Variants in ATXN7L1 observed in about 807,000 individuals in gnomAD.
The protein encoded by ATXN7L1 is ataxin 7 like 1.
In ATXN7L1, 15 loss-of-function variants were observed where a neutral mutation model predicts 70.8. The observed-to-expected ratio is 0.21, with a 90% CI of 0.14 to 0.33. The LOEUF is 0.33. ATXN7L1 is among the 10% of genes least tolerant of loss of function. ATXN7L1 has a pLI of 1.00. For missense variants in ATXN7L1, 975 were observed against 1,097.1 expected, an observed-to-expected ratio of 0.89 and a Z score of 1.57; for synonymous variants, 440 against 445.1, an observed-to-expected ratio of 0.99 and a Z score of 0.14.
intron 3 of ATXN7L1, among the ~76,000 whole-genome samples, chr7:105,677,595 T>C (rs1476972830): frequency 1.3e-5 from 2 of 152,170 alleles, no homozygotes; most frequent in African/African-American, 4.8e-5. Flanking sequence ...GTTGGGAGGA[T>C]TGATAACATG....
intron 2 of ATXN7L1, among the ~76,000 whole-genome samples, chr7:105,872,651 C>T (rs1396623682): frequency 6.6e-6 from 1 of 151,914 alleles, no homozygotes; most frequent in East Asian, 1.9e-4. Context: ...CAGTGGTTAC[C>T]AGGGCTGAGA....
chr7:105,697,975 CT>C lies in ATXN7L1; in HGVS notation c.356-32688del, dbSNP rs545331248. The stretch of plus-strand genomic sequence containing the variant: ...GAAGCTGGGCAGGGACGAGCACTGT[CT>C]TTATACATGGTCTGGACATGTGGAA... On this transcript the variant is annotated intron_variant, in intron 3 of 11. Transcript: ENST00000419735. Among the ~76,000 whole-genome samples, 226 of 152,148 alleles carry C rather than the reference CT, an allele frequency of 1.5e-3. 2 individuals are homozygous for C. The highest frequency in any genetic ancestry group is 2.7e-3 in the Non-Finnish European group (185 of 68,034).
At chr7:105,813,209 T>C (rs1168392125) in intron 2 of ATXN7L1, among the ~76,000 whole-genome samples, 1 of 152,218 alleles carries the variant, frequency 6.6e-6, no homozygotes, top group South Asian at 2.1e-4. Context: ...ACTGTATCTA[T>C]AATATTTCCT....
rs1187631703 is a variant in ATXN7L1, at chr7:105,620,187, G to T, written c.1517+13C>A. ...AGCTTGGATCTTATATTGCACAAAAGCTGCTCACTTACTTCCACATCTGTG... is the reference window on the plus strand; with the variant it reads ...AGCTTGGATCTTATATTGCACAAAATCTGCTCACTTACTTCCACATCTGTG... On this transcript the variant is annotated intron_variant, in intron 9 of 11. Coordinates refer to ENST00000419735, the MANE Select transcript of ATXN7L1 (RefSeq NM_020725.2). 22 of 1,550,722 alleles carry T rather than the reference G, an allele frequency of 1.4e-5. No individual in the cohort carries two copies. Among genetic ancestry groups the T allele is most frequent in the Non-Finnish European group, 1.8e-5 (21 of 1,146,480 alleles).
intron 4 of ATXN7L1, among the ~76,000 whole-genome samples, chr7:105,658,722 C>T (rs763663252): frequency 2.6e-5 from 4 of 151,862 alleles, no homozygotes; most frequent in Non-Finnish European, 5.9e-5. Flanking sequence ...TTAGTAGATA[C>T]GGGGTTCCAC....
intron 3 of ATXN7L1, among the ~76,000 whole-genome samples, chr7:105,783,415 C>G (rs771817806): frequency 6.6e-6 from 1 of 152,162 alleles, no homozygotes; most frequent in Non-Finnish European, 1.5e-5. Context: ...CTTGGGATCT[C>G]TGGAGTGTCT....
At chr7:105,639,900 G>A (rs189450748) in intron 5 of ATXN7L1, among the ~76,000 whole-genome samples, 10 of 152,272 alleles carry the variant, frequency 6.6e-5, no homozygotes, top group African/African-American at 2.4e-4. Context: ...TGCTCTTAAC[G>A]CTTTATTTTA....
At position 105,865,020 on chromosome 7, in the gene ATXN7L1, C is replaced by CATACA. The variant is rs1452568533; in HGVS notation, c.250+10787_250+10791dup. Among the ~76,000 whole-genome samples the CATACA allele has an allele frequency of 3.9e-5, 6 of 152,302 alleles. No individual in the cohort carries two copies. In the East Asian group the frequency reaches 1.2e-3, roughly 29 times the overall value. On this transcript the variant is annotated intron_variant, in intron 2 of 11. Coordinates refer to ENST00000419735, the MANE Select transcript of ATXN7L1 (RefSeq NM_020725.2). ...CGGGGCATCCTTAAAGAACTGGAGACATACAAGTTGACAAAAGATGCCTGG... is the reference window on the plus strand; with the variant it reads ...CGGGGCATCCTTAAAGAACTGGAGACATACAATACAAGTTGACAAAAGATGCCTGG...
chr7:105,807,835 G>A (rs537503917), intron 2 of ATXN7L1, among the ~76,000 whole-genome samples: 1 of 152,182 alleles, frequency 6.6e-6, no homozygotes, highest in African/African-American at 2.4e-5. Flanking sequence ...TGCGCTATCC[G>A]CACCAGAAGA....
intron 7 of ATXN7L1, among the ~76,000 whole-genome samples, chr7:105,626,056 C>G (rs1184623460): frequency 2.0e-5 from 3 of 152,210 alleles, no homozygotes; most frequent in Non-Finnish European, 4.4e-5. Context: ...GAAATCTTTT[C>G]AGGTCTCAAA....
chr7:105,824,796 C>T (rs1810631087), intron 2 of ATXN7L1, among the ~76,000 whole-genome samples: 1 of 151,706 alleles, frequency 6.6e-6, no homozygotes. Context: ...CAGTGGAGTG[C>T]CCAACCCAAA....
At chr7:105,707,265 A>C (rs1052123410) in intron 3 of ATXN7L1, among the ~76,000 whole-genome samples, 1 of 152,202 alleles carries the variant, frequency 6.6e-6, no homozygotes, top group Admixed American at 6.5e-5. Flanking sequence ...TAGACAGCAC[A>C]CATGAAGCAA....
rs1350817098 is a variant in ATXN7L1, at chr7:105,722,766, TC to T, written c.356-57479del. ...TGGGCGTGGTGGCATGTGCCTGTAA[TC>T]CCCACTACTCGGGAGGCTGAGGCAG... On this transcript the variant is annotated intron_variant, in intron 3 of 11. Coordinates refer to ENST00000419735, the MANE Select transcript of ATXN7L1 (RefSeq NM_020725.2). 1.6e-4 allele frequency among the ~76,000 whole-genome samples: 24 copies of T among 150,676 alleles called. No homozygotes were observed. In the Admixed American group the frequency reaches 1.6e-3, roughly 10 times the overall value.
At chr7:105,632,377 A>G (rs1310498816) in intron 7 of ATXN7L1, among the ~76,000 whole-genome samples, 1 of 152,272 alleles carries the variant, frequency 6.6e-6, no homozygotes, top group Admixed American at 6.5e-5. Context: ...ATGATTTAAA[A>G]TACCATTTTT....
intron 3 of ATXN7L1, among the ~76,000 whole-genome samples, chr7:105,752,672 G>A: frequency 6.6e-6 from 1 of 152,186 alleles, no homozygotes; most frequent in Non-Finnish European, 1.5e-5. Context: ...GTCCCAAGAA[G>A]ATAAATTCTA....
In ATXN7L1 at chr7:105,715,937, T is replaced by C. The variant is rs182351247; in HGVS notation, c.356-50649A>G. On this transcript the variant is annotated intron_variant, in intron 3 of 11. Transcript: ENST00000419735. Reference sequence around the variant, plus strand: ...TTTGCTGTGACTGGAGCGTCCTAATTGGCACCAGCAGGCTTCAGGTATAGG... The same window carrying C: ...TTTGCTGTGACTGGAGCGTCCTAATCGGCACCAGCAGGCTTCAGGTATAGG... Among the ~76,000 whole-genome samples the C allele has an allele frequency of 3.9e-3, 600 of 152,152 alleles. 4 individuals are homozygous for C. Among genetic ancestry groups the C allele is most frequent in the Non-Finnish European group, 6.6e-3 (451 of 68,010 alleles).
intron 3 of ATXN7L1, among the ~76,000 whole-genome samples, chr7:105,671,665 G>A (rs1185703482): frequency 1.3e-5 from 2 of 152,106 alleles, no homozygotes; most frequent in African/African-American, 4.8e-5. Flanking sequence ...GGGAGGCTGA[G>A]GCGGGTGGAT....
intron 3 of ATXN7L1, among the ~76,000 whole-genome samples, chr7:105,754,753 C>CTCAG (rs1239279747): frequency 1.3e-5 from 2 of 152,226 alleles, no homozygotes; most frequent in African/African-American, 4.8e-5. Context: ...AGCCACCATA[C>CTCAG]TCAGTCTATT....
chr7:105,859,836 G>GCAGTGGC (rs1816307510), intron 2 of ATXN7L1, among the ~76,000 whole-genome samples: 1 of 143,388 alleles, frequency 7.0e-6, no homozygotes, highest in Non-Finnish European at 1.5e-5. Context: ...AGGCTAGAGT[G>GCAGTGGC]CAGTGGCACG....
Sources: gnomAD v4.1 joint callset for allele counts (sites outside exome capture counted in the v4.1 genomes callset) on GRCh38, gnomAD v4.1.1 for gene constraint, MANE v1.5 for transcripts, NCBI Gene and HGNC (gene_info 2026-07-23, HGNC 2026-07-21) for gene names.